Variants in PPM1H observed in about 807,000 individuals in gnomAD.
PPM1H encodes protein phosphatase, Mg2+/Mn2+ dependent 1H, also known as protein phosphatase 1H.
Under a neutral mutation model 54.9 loss-of-function variants are expected in PPM1H, and 27 were observed. The ratio of observed to expected loss-of-function variants is 0.49; its 90% confidence interval spans 0.36 to 0.68. The LOEUF is 0.68. PPM1H is among the 30% of genes least tolerant of loss of function. The pLI is 0.00. For missense variants in PPM1H, 596 were observed against 667.8 expected (o/e 0.89, Z 1.19); for synonymous variants, 305 against 270.8 (o/e 1.13, Z -1.24).
chr12:62,791,018 T>A (rs190946222), intron 3 of PPM1H, among the ~76,000 whole-genome samples: 112 of 152,286 alleles, frequency 7.4e-4, no homozygotes, highest in African/African-American at 2.4e-3. Flanking sequence ...AACACCTAGG[T>A]TAGGCCAGGT....
intron 5 of PPM1H, among the ~76,000 whole-genome samples, chr12:62,722,568 A>T (rs1451910620): frequency 6.6e-6 from 1 of 152,210 alleles, no homozygotes; most frequent in Non-Finnish European, 1.5e-5. Context: ...GGGCCATAAG[A>T]GGCCTGTGAT....
chr12:62,753,121 T>C (rs1488198838), intron 4 of PPM1H, among the ~76,000 whole-genome samples: 1 of 152,136 alleles, frequency 6.6e-6, no homozygotes, highest in Non-Finnish European at 1.5e-5. Context: ...AGGGAATGCA[T>C]ACAGAAAAAG....
At chr12:62,721,317 G>A (rs1457946708) in intron 5 of PPM1H, among the ~76,000 whole-genome samples, 1 of 152,180 alleles carries the variant, frequency 6.6e-6, no homozygotes, top group Non-Finnish European at 1.5e-5. Context: ...AGTTTTTCAG[G>A]AACCAAAGGA....
chr12:62,678,050 G>A (rs537120341), intron 8 of PPM1H, among the ~76,000 whole-genome samples: 28 of 151,890 alleles, frequency 1.8e-4, no homozygotes, highest in African/African-American at 6.3e-4. Flanking sequence ...TCAAGCAATC[G>A]ATCCTCCCAC....
rs1200899816 is a variant in PPM1H, at chr12:62,932,638, T to TTTTTTTTTTTG, written c.245+1853_245+1854insCAAAAAAAAAA. 1.4e-4 allele frequency among the ~76,000 whole-genome samples: 18 copies of TTTTTTTTTTTG among 129,316 alleles called. 2 individuals are homozygous for TTTTTTTTTTTG. The highest frequency in any genetic ancestry group is 5.1e-4 in the African/African-American group (18 of 35,212). 84.8% of individuals were successfully genotyped at this position (129,316 alleles called of 152,430 possible). ...AAGGGTCCAAATGGGCTTTTTTTTTTTTTTTTTTTTTTTGAGAAGGAGTTT... is the reference window on the plus strand; with the variant it reads ...AAGGGTCCAAATGGGCTTTTTTTTTTTTTTTTTTTTGTTTTTTTTTTTTTGAGAAGGAGTTT... On this transcript the variant is annotated intron_variant, in intron 1 of 9. Transcript: ENST00000228705.
Position 62,715,706 on chromosome 12 carries a change from G to A in PPM1H, c.1073+4465C>T, listed in dbSNP as rs75030242. On this transcript the variant is annotated intron_variant, in intron 6 of 9. Transcript: ENST00000228705. ...ACACACCACTGAGTGCCGGCGTGGT[G>A]CTCCTCTAATGAGAGCAGGCAATTT... Among the ~76,000 whole-genome samples, 548 of 152,246 alleles carry A rather than the reference G, an allele frequency of 3.6e-3. 4 individuals carry two copies. The highest frequency in any genetic ancestry group is 0.013 in the African/African-American group (522 of 41,536).
chr12:62,656,955 G>A (rs1214632876), intron 9 of PPM1H, among the ~76,000 whole-genome samples: 1 of 152,178 alleles, frequency 6.6e-6, no homozygotes, highest in Admixed American at 6.6e-5. Flanking sequence ...ACTGCTGAGA[G>A]CTGGTCCACA....
intron 1 of PPM1H, among the ~76,000 whole-genome samples, chr12:62,889,094 C>T (rs1172839064): frequency 6.6e-6 from 1 of 152,152 alleles, no homozygotes; most frequent in African/African-American, 2.4e-5. Context: ...GCTGCCTGTC[C>T]ACCTGCAGTC....
Position 62,832,643 on chromosome 12 carries a change from C to G in PPM1H, c.246-364G>C, listed in dbSNP as rs1430849590. On this transcript the variant is annotated intron_variant, in intron 1 of 9. Coordinates refer to ENST00000228705, the MANE Select transcript of PPM1H (RefSeq NM_020700.2). ...ATTACAATGAAGACAGATAATCTGA[C>G]TCAGGGAATTCTGTTTCACTTCTCC... 2.0e-5 allele frequency among the ~76,000 whole-genome samples: 3 copies of G among 152,090 alleles called. No individual in the cohort carries two copies. In the South Asian group the frequency reaches 6.2e-4, roughly 31 times the overall value.
chr12:62,907,270 C>T (rs1327805733), intron 1 of PPM1H, among the ~76,000 whole-genome samples: 1 of 152,238 alleles, frequency 6.6e-6, no homozygotes, highest in East Asian at 1.9e-4. Flanking sequence ...CCAGGCACTG[C>T]AGAGGGAGAT....
intron 3 of PPM1H, among the ~76,000 whole-genome samples, chr12:62,796,376 C>T (rs1258316792): frequency 2.0e-5 from 3 of 152,168 alleles, no homozygotes; most frequent in East Asian, 3.9e-4. Flanking sequence ...GTCGCAAGCC[C>T]CAGGTTGGTT....
At chr12:62,764,320 T>C (rs2076528559) in intron 4 of PPM1H, among the ~76,000 whole-genome samples, 1 of 152,116 alleles carries the variant, frequency 6.6e-6, no homozygotes, top group South Asian at 2.1e-4. Context: ...GAAATCTAGG[T>C]ATGCCCTAAA....
At chr12:62,901,868 C>T (rs1871171042) in intron 1 of PPM1H, among the ~76,000 whole-genome samples, 1 of 152,086 alleles carries the variant, frequency 6.6e-6, no homozygotes, top group African/African-American at 2.4e-5. Context: ...GACTTGGTTT[C>T]AAATGAAGGC....
intron 8 of PPM1H, among the ~76,000 whole-genome samples, chr12:62,687,220 C>A (rs751380878): frequency 6.6e-6 from 1 of 152,302 alleles, no homozygotes; most frequent in Non-Finnish European, 1.5e-5. Context: ...TAAAGCCTGG[C>A]TGTTCAATCA....
chr12:62,704,754 C>A (rs2076163755), intron 6 of PPM1H, among the ~76,000 whole-genome samples: 1 of 152,154 alleles, frequency 6.6e-6, no homozygotes, highest in Non-Finnish European at 1.5e-5. Flanking sequence ...AGGCTGCTGG[C>A]TTTTTTTCCT....
In PPM1H at chr12:62,697,564, T is replaced by C. The variant is rs115411257; in HGVS notation, c.1074-3565A>G. 5.7e-3 allele frequency among the ~76,000 whole-genome samples: 871 copies of C among 152,282 alleles called. 9 individuals are homozygous for C. The highest frequency in any genetic ancestry group is 0.02 in the African/African-American group (831 of 41,550). On this transcript the variant is annotated intron_variant, in intron 6 of 9. Transcript: ENST00000228705. ...TGGAAGGCCTGTCTGTTTTATATTA[T>C]AGTCCATGTCAAGGCTATAGGCTTG...
chr12:62,899,882 G>A (rs1327608576), intron 1 of PPM1H, among the ~76,000 whole-genome samples: 1 of 152,270 alleles, frequency 6.6e-6, no homozygotes, highest in East Asian at 1.9e-4. Context: ...CAATGCAATG[G>A]TATTACGAAG....
chr12:62,669,320 C>T (rs996321283), intron 8 of PPM1H, among the ~76,000 whole-genome samples: 8 of 152,138 alleles, frequency 5.3e-5, no homozygotes, highest in African/African-American at 1.7e-4. Flanking sequence ...CATGGTTCTT[C>T]GGTGTGTTAG....
intron 4 of PPM1H, among the ~76,000 whole-genome samples, chr12:62,739,038 T>C (rs1249372815): frequency 6.7e-6 from 1 of 149,750 alleles, no homozygotes; most frequent in Non-Finnish European, 1.5e-5. Context: ...GAAGGAGTGA[T>C]GACAAAAATC....
Sources: allele counts gnomAD v4.1 joint callset (sites outside exome capture counted in the v4.1 genomes callset), GRCh38; gene constraint gnomAD v4.1.1; transcripts MANE v1.5; gene names NCBI Gene and HGNC (gene_info 2026-07-23, HGNC 2026-07-21).